Variants in ZNF536 observed in about 807,000 individuals in gnomAD.
ZNF536 encodes the protein zinc finger protein 536.
ZNF536 carries 13 observed loss-of-function variants against 84.5 expected under a neutral mutation model. The ratio of observed to expected loss-of-function variants is 0.15; its 90% CI spans 0.10 to 0.24. The LOEUF is 0.24. Ranked by LOEUF, ZNF536 falls within the 10% of genes least tolerant of loss-of-function variation. The pLI is 1.00. For missense variants in ZNF536, 1,536 were observed against 1,747.5 expected (o/e 0.88, Z 2.16); for synonymous variants, 811 against 742.5 (o/e 1.09, Z -1.50).
intron 2 of ZNF536, among the ~76,000 whole-genome samples, chr19:30,523,237 G>T (rs1158407612): frequency 6.6e-6 from 1 of 152,150 alleles, no homozygotes; most frequent in Non-Finnish European, 1.5e-5. Flanking sequence ...CCCTCCCCAT[G>T]CCATCTTTAC....
intron 4 of ZNF536, chr19:30,555,436 C>A (rs575781745): frequency 6.6e-6 from 1 of 152,158 alleles, no homozygotes; most frequent in Admixed American, 6.5e-5. Flanking sequence ...TCACTTCTGC[C>A]GTGATGCATG....
chr19:30,402,657 G>A (rs1466999125), intron 1 of ZNF536, among the ~76,000 whole-genome samples: 3 of 151,636 alleles, frequency 2.0e-5, no homozygotes, highest in South Asian at 2.1e-4. Flanking sequence ...CTTGCAAACC[G>A]CGGCCGACGT....
chr19:30,566,166 C>A (rs552292963), intron 1 of ZNF536, among the ~76,000 whole-genome samples: 1 of 152,312 alleles, frequency 6.6e-6, no homozygotes, highest in South Asian at 2.1e-4. Flanking sequence ...GCTCCTAACC[C>A]TGCCCCACAC....
chr19:30,705,160 T>C (rs987970096), intron 1 of ZNF536, among the ~76,000 whole-genome samples: 33 of 152,328 alleles, frequency 2.2e-4, no homozygotes, highest in Admixed American at 2.0e-3. Flanking sequence ...CTTTCAGTTA[T>C]ATTTGATTCT....
chr19:30,514,136 C>T (rs1045011241), intron 2 of ZNF536, among the ~76,000 whole-genome samples: 3 of 152,072 alleles, frequency 2.0e-5, no homozygotes, highest in African/African-American at 4.8e-5. Flanking sequence ...TGCCAAATGG[C>T]GTATGTTTTC....
rs2148229286 is a variant in ZNF536, at chr19:30,445,553, T to C, written c.1991T>C (p.Leu664Pro). ...KRDRKGEEDG[L>P]HVGLDERRGS... ...GACCGCAAGGGCGAGGAGGATGGGC[T>C]GCACGTGGGCCTGGATGAGCGGCGT... Residue 664 changes from leucine to proline, a missense_variant, in exon 2 of 5, where the codon CTG becomes CCG. Leu to Pro is a moderately conservative substitution (Grantham distance 98). Around this residue, in one of 8 missense-constraint regions of ZNF536, gnomAD observed 366 missense variants for 364.4 expected, o/e 1.00. Transcript: ENST00000355537. This position sits in a 1 kb window ranked among gnomAD's most constrained non-coding sequence, Gnocchi z 4.5. 6.2e-7 allele frequency: 1 copy of C among 1,613,634 alleles called. No homozygotes were observed. The highest frequency in any genetic ancestry group is 1.1e-5 in the South Asian group (1 of 91,038).
Position 30,657,125 on chromosome 19 carries a change from T to C in ZNF536, c.170-53632T>C, listed in dbSNP as rs545087399. On this transcript the variant is annotated intron_variant, in intron 1 of 1. Coordinates refer to the ZNF536 transcript ENST00000592773. ...ATGTCCCTGCGTTTTCCCAGTGGTA[T>C]GTCTTGACCACATGTAGCCAGCTGG... 1.6e-3 allele frequency among the ~76,000 whole-genome samples: 244 copies of C among 152,226 alleles called. 2 individuals carry two copies. Among genetic ancestry groups the C allele is most frequent in the Non-Finnish European group, 7.2e-4 (49 of 67,998 alleles).
intron 2 of ZNF536, among the ~76,000 whole-genome samples, chr19:30,333,524 T>A (rs1336002581): frequency 6.6e-6 from 1 of 152,166 alleles, no homozygotes; most frequent in Admixed American, 6.5e-5. Flanking sequence ...CCTTCCTGCC[T>A]GCGGCTGTCT....
At chr19:30,526,882 T>C (rs2044608410) in intron 2 of ZNF536, among the ~76,000 whole-genome samples, 1 of 152,142 alleles carries the variant, frequency 6.6e-6, no homozygotes, top group Non-Finnish European at 1.5e-5. Context: ...AAATGTTGCT[T>C]TAGAGAAGGT....
intron 1 of ZNF536, among the ~76,000 whole-genome samples, chr19:30,604,601 C>T (rs1599956592): frequency 6.6e-6 from 1 of 152,254 alleles, no homozygotes; most frequent in East Asian, 1.9e-4. Context: ...TAACTGGTCA[C>T]CACAAAGGCC....
chr19:30,312,355 G>C (rs1181494153), intron 2 of ZNF536, among the ~76,000 whole-genome samples: 2 of 152,156 alleles, frequency 1.3e-5, no homozygotes, highest in Non-Finnish European at 2.9e-5. Context: ...GCCTGTCTCA[G>C]AGAGTGGAAT....
chr19:30,621,940 G>A (rs1323771332), intron 1 of ZNF536, among the ~76,000 whole-genome samples: 1 of 152,254 alleles, frequency 6.6e-6, no homozygotes, highest in Non-Finnish European at 1.5e-5. Flanking sequence ...CCCCCAGACA[G>A]CGTGCAGTGC....
chr19:30,229,810 T>A (rs1488975783), intron 1 of ZNF536, among the ~76,000 whole-genome samples: 1 of 152,168 alleles, frequency 6.6e-6, no homozygotes, highest in East Asian at 1.9e-4. Context: ...GCCCTAGGAA[T>A]TAACTTTTCC....
chr19:30,415,906 G>A (rs1412880368), intron 1 of ZNF536, among the ~76,000 whole-genome samples: 1 of 152,094 alleles, frequency 6.6e-6, no homozygotes, highest in Non-Finnish European at 1.5e-5. Context: ...CATCATGCCC[G>A]GCCCATCATC....
chr19:30,691,817 G>A (rs1296894361), intron 1 of ZNF536, among the ~76,000 whole-genome samples: 1 of 152,264 alleles, frequency 6.6e-6, no homozygotes, highest in Non-Finnish European at 1.5e-5. Flanking sequence ...TGCAGAGAAC[G>A]TGAGAGGTTA....
intron 1 of ZNF536, among the ~76,000 whole-genome samples, chr19:30,690,988 G>A (rs2051384989): frequency 1.3e-5 from 2 of 152,190 alleles, no homozygotes; most frequent in South Asian, 2.1e-4. Context: ...GCTAACTATT[G>A]TGAGTAGTTT....
intron 2 of ZNF536, among the ~76,000 whole-genome samples, chr19:30,328,592 T>A (rs546107853): frequency 6.6e-6 from 1 of 152,226 alleles, no homozygotes; most frequent in Non-Finnish European, 1.5e-5. Context: ...TCAAGTTCCA[T>A]TGGAATCATT....
chr19:30,274,676 C>T (rs943222348), intron 1 of ZNF536, among the ~76,000 whole-genome samples: 6 of 152,078 alleles, frequency 3.9e-5, no homozygotes, highest in African/African-American at 7.2e-5. Context: ...TTGTGTGTCA[C>T]GGAGGTTTGG....
At chr19:30,257,969 T>G (rs2024999143) in intron 1 of ZNF536, among the ~76,000 whole-genome samples, 1 of 152,234 alleles carries the variant, frequency 6.6e-6, no homozygotes, top group African/African-American at 2.4e-5. Flanking sequence ...ACTAGGGTTT[T>G]TGGACTCTGC....
Sources: allele counts gnomAD v4.1 joint callset (sites outside exome capture counted in the v4.1 genomes callset), GRCh38; gene constraint gnomAD v4.1.1; regional missense constraint gnomAD v4.1.1; non-coding constraint Gnocchi (gnomAD v3.1); transcripts MANE v1.5; gene names NCBI Gene and HGNC (gene_info 2026-07-23, HGNC 2026-07-21).